Variants in CFI observed in about 807,000 individuals in gnomAD.
CFI encodes complement factor I.
In CFI, 66 loss-of-function variants were observed where a neutral mutation model predicts 78.8. That is an observed-to-expected ratio of 0.84 (90% CI 0.69 to 1.03). The LOEUF is 1.03. Ranked by LOEUF, CFI falls within the 50% of genes least tolerant of loss-of-function variation. The pLI, the probability that CFI is intolerant of heterozygous loss-of-function variation, is 0.00. For synonymous variants in CFI, 250 were observed against 232.6 expected (o/e 1.07, Z -0.68); for missense variants, 706 against 704.5 (o/e 1.00, Z -0.02).
chr4:109,801,413 C>T (rs1732757645), intron 1 of CFI, among the ~76,000 whole-genome samples: 1 of 152,174 alleles, frequency 6.6e-6, no homozygotes, highest in South Asian at 2.1e-4. Context: ...GTGATTTGTC[C>T]TCTCATTGAA....
intron 7 of CFI, among the ~76,000 whole-genome samples, chr4:109,754,268 T>C (rs1725830204): frequency 6.6e-6 from 1 of 151,720 alleles, no homozygotes; most frequent in Non-Finnish European, 1.5e-5. Flanking sequence ...AGGTGTGAGC[T>C]ACTGTGCCTG....
Position 109,740,707 on chromosome 4 carries a change from A to T in CFI, c.*186T>A. The stretch of plus-strand genomic sequence containing the variant: ...TAAATAAAACTTGTATGCTTCACCA[A>T]AATATTTATTTGAGAATTATACAAC... On this transcript the variant is annotated 3_prime_UTR_variant, in exon 13 of 13. Coordinates refer to ENST00000394634, the MANE Select transcript of CFI (RefSeq NM_000204.5). 1.5e-6 allele frequency: 1 copy of T among 678,976 alleles called. No individual in the cohort carries two copies. Among genetic ancestry groups the T allele is most frequent in the East Asian group, 2.8e-5 (1 of 35,750 alleles). The allele number at this position is 678,976 out of a possible 1,614,324, so 42.1% of individuals were successfully genotyped here.
chr4:109,778,923 A>C (rs1729634036), intron 1 of CFI, among the ~76,000 whole-genome samples: 1 of 152,212 alleles, frequency 6.6e-6, no homozygotes, highest in Non-Finnish European at 1.5e-5. Flanking sequence ...CCTTCGACAA[A>C]ATTCAACAGC....
intron 3 of CFI, chr4:109,764,268 G>T (rs1297005238): frequency 1.2e-5 from 6 of 506,950 alleles, no homozygotes; most frequent in Non-Finnish European, 2.1e-5. Flanking sequence ...GAGACAGACA[G>T]AAATGAATGT....
At chr4:109,763,166 T>C (rs1727295573) in intron 3 of CFI, among the ~76,000 whole-genome samples, 1 of 152,122 alleles carries the variant, frequency 6.6e-6, no homozygotes, top group Non-Finnish European at 1.5e-5. Context: ...GTAGTGATAA[T>C]GGCTTATTAT....
intron 1 of CFI, among the ~76,000 whole-genome samples, chr4:109,768,545 C>T (rs1331158144): frequency 6.6e-6 from 1 of 152,062 alleles, no homozygotes; most frequent in East Asian, 1.9e-4. Context: ...TTAATGAGAG[C>T]TATTATTACC....
intron 1 of CFI, among the ~76,000 whole-genome samples, chr4:109,789,699 T>C (rs1458527437): frequency 1.3e-5 from 2 of 152,064 alleles, no homozygotes; most frequent in East Asian, 1.9e-4. Flanking sequence ...ATCTGATCTA[T>C]ACAAATAAAT....
intron 2 of CFI, among the ~76,000 whole-genome samples, chr4:109,765,752 C>A (rs1001885695): frequency 1.3e-5 from 2 of 149,786 alleles, no homozygotes; most frequent in Non-Finnish European, 3.0e-5. Flanking sequence ...GTGGCTCAAG[C>A]GGCCCTTGGA....
chr4:109,780,524 T>C (rs541717927), intron 1 of CFI, among the ~76,000 whole-genome samples: 3 of 152,110 alleles, frequency 2.0e-5, no homozygotes, highest in South Asian at 2.1e-4. Flanking sequence ...TATGGAGAAA[T>C]AGGAACGCTT....
Position 109,742,550 on chromosome 4 carries a change from A to G in CFI, c.1475T>C (p.Ile492Thr). 3 of 1,613,806 alleles carry G rather than the reference A, an allele frequency of 1.9e-6. No individual in the cohort carries two copies. The highest frequency in any genetic ancestry group is 2.5e-6 in the Non-Finnish European group (3 of 1,179,718). The change falls in exon 12 of 13, where the codon ATA becomes ACA. Residue 492 changes from isoleucine to threonine, a missense_variant. By Grantham distance (89) the Ile-to-Thr change is moderately conservative. Coordinates refer to ENST00000394634, the MANE Select transcript of CFI (RefSeq NM_000204.5). ...TCCGTAAAACTTAGAGCAGTTGCTT[A>G]TTAGTTTAACTTCACCCCACTGAAG... ...FSLQWGEVKL[I>T]SNCSKFYGNR...
In CFI at chr4:109,742,476, C is replaced by G; in HGVS notation, c.1534+15G>C. 5 of 1,531,732 alleles carry G rather than the reference C, an allele frequency of 3.3e-6. No homozygotes were observed. Among genetic ancestry groups the G allele is most frequent in the Non-Finnish European group, 4.5e-6 (5 of 1,105,044 alleles). 94.9% of individuals were successfully genotyped at this position (1,531,732 alleles called of 1,614,324 possible). On this transcript the variant is annotated intron_variant, in intron 12 of 12. Transcript: ENST00000394634. ...CATACATCTTGACATCTTGGATAAA[C>G]CACTTGGCACTTACCTGCACATTCC... is the stretch of plus-strand genomic sequence containing the variant.
At chr4:109,759,762 C>T (rs1329879299) in intron 6 of CFI, among the ~76,000 whole-genome samples, 1 of 152,070 alleles carries the variant, frequency 6.6e-6, no homozygotes, top group African/African-American at 2.4e-5. Flanking sequence ...GGCATGGTGG[C>T]AGGTGCCTGT....
At chr4:109,756,487 G>C (rs1159746583) in intron 7 of CFI, among the ~76,000 whole-genome samples, 7 of 151,826 alleles carry the variant, frequency 4.6e-5, no homozygotes, top group African/African-American at 1.5e-4. Context: ...AGCTTCAGAG[G>C]GCAAAATGAC....
chr4:109,771,113 C>T (rs1158600452), intron 1 of CFI, among the ~76,000 whole-genome samples: 2 of 152,020 alleles, frequency 1.3e-5, no homozygotes, highest in African/African-American at 4.8e-5. Flanking sequence ...AGATTAGGGC[C>T]AGGCGCAGTG....
intron 1 of CFI, among the ~76,000 whole-genome samples, chr4:109,777,801 T>C (rs1490963410): frequency 6.6e-6 from 1 of 152,078 alleles, no homozygotes; most frequent in Non-Finnish European, 1.5e-5. Flanking sequence ...CACAGTGCAA[T>C]CAAACTAGAA....
chr4:109,749,549 TG>T lies in CFI; in HGVS notation c.993del (p.Asn331LysfsTer46), dbSNP rs756606397. On this transcript the variant is annotated frameshift_variant, in exon 9 of 13. Transcript: ENST00000394634. LOFTEE classifies it high-confidence loss of function. The stretch of plus-strand genomic sequence containing the variant: ...ATTCGTTTCCTTCGAATGTGCATTC[TG>T]TTTTTAACTCCACAAGATAGTTTAG... ...LLPKLSCGVK[N>X]RMHIRRKRIV... 1 of 1,613,464 alleles carries T rather than the reference TG, an allele frequency of 6.2e-7. No individual in the cohort carries two copies. Among genetic ancestry groups the T allele is most frequent in the African/African-American group, 1.3e-5 (1 of 74,932 alleles).
intron 7 of CFI, among the ~76,000 whole-genome samples, chr4:109,756,816 G>T (rs1465231117): frequency 3.3e-5 from 5 of 150,578 alleles, no homozygotes; most frequent in Non-Finnish European, 5.9e-5. Flanking sequence ...CCGAGATCAG[G>T]CCACTGCACT....
In CFI at chr4:109,742,336, A is replaced by G. The variant is rs1047064898; in HGVS notation, c.1534+155T>C. On this transcript the variant is annotated intron_variant, in intron 12 of 12. Coordinates refer to ENST00000394634, the MANE Select transcript of CFI (RefSeq NM_000204.5). ...TATTAGAGGAAGAAACCTGAGCTAC[A>G]GGGAAGGGACTGAAAGAGTTTGAGA... 7 of 666,686 alleles carry G rather than the reference A, an allele frequency of 1.0e-5. No individual in the cohort carries two copies. The African/African-American group carries it at 1.3e-4, about 12-fold the overall frequency. The allele number at this position is 666,686 out of a possible 1,614,324, so 41.3% of individuals were successfully genotyped here. A position where few individuals can be genotyped will look rare whatever the true frequency, so the allele number is the denominator to read the frequency against.
At chr4:109,760,466 T>C (rs1726911487) in intron 5 of CFI, 57 bp downstream of exon 5, 2 of 1,497,854 alleles carry the variant, frequency 1.3e-6, no homozygotes, top group East Asian at 4.5e-5. Context: ...AAGTTGCTTT[T>C]CCTCTTTTAG....
Sources: allele counts gnomAD v4.1 joint callset (sites outside exome capture counted in the v4.1 genomes callset), GRCh38; gene constraint gnomAD v4.1.1; transcripts MANE v1.5; gene names NCBI Gene and HGNC (gene_info 2026-07-23, HGNC 2026-07-21).